Variants in TBL2 observed in about 807,000 individuals in gnomAD.
TBL2 encodes transducin beta like 2, also known as transducin beta-like protein 2.
In TBL2, 33 loss-of-function variants were observed where a neutral mutation model predicts 41.8. That is an observed-to-expected ratio of 0.79 (90% confidence interval 0.60 to 1.06). The LOEUF is 1.06. TBL2 is among the 50% of genes least tolerant of loss of function. The pLI is 0.00. For synonymous variants in TBL2, 239 were observed against 241.7 expected (o/e 0.99, Z 0.10); for missense variants, 522 against 603.8 (o/e 0.86, Z 1.42).
In TBL2 at chr7:73,573,465, G is replaced by A. The variant is rs1310870791; in HGVS notation, c.453C>T (p.Phe151=). 1.9e-6 allele frequency: 3 copies of A among 1,613,900 alleles called. No homozygotes were observed. The highest frequency in any genetic ancestry group is 1.7e-6 in the Non-Finnish European group (2 of 1,180,018). ...TGTCCCCGTTGGCCAGCCAGACGAT[G>A]AAGGCTCTAGAGACAGGCAGCAGAC... is the stretch of plus-strand genomic sequence containing the variant. ...LVRFSPDCRA[F]IVWLANGDTL... The change falls in exon 4 of 7, where the codon TTC becomes TTT. Residue 151 remains phenylalanine, a synonymous_variant. Coordinates refer to ENST00000305632, the MANE Select transcript of TBL2 (RefSeq NM_012453.4).
chr7:73,578,248 G>C (rs1793463893), intron 1 of TBL2, 172 bp downstream of exon 1: 4 of 1,531,826 alleles, frequency 2.6e-6, no homozygotes, highest in Non-Finnish European at 3.5e-6. Flanking sequence ...CGCCTAACCC[G>C]GCAAGGCGGG....
At position 73,576,843 on chromosome 7, in the gene TBL2, G is replaced by A. The variant is rs534285465; in HGVS notation, c.130+1577C>T. On this transcript the variant is annotated intron_variant, in intron 1 of 6. Coordinates refer to ENST00000305632, the MANE Select transcript of TBL2 (RefSeq NM_012453.4). The stretch of plus-strand genomic sequence containing the variant: ...CTCGGGTATTGCCATTGGCAGGAAT[G>A]TCTTTTTTCCTTGGCCTTCTGGCAA... The A allele has an allele frequency of 4.7e-5, 18 of 385,404 alleles. No homozygotes were observed. In the Admixed American group the frequency reaches 5.6e-4, roughly 12 times the overall value. The allele number at this position is 385,404 out of a possible 1,614,324, so 23.9% of individuals were successfully genotyped here. A position where few individuals can be genotyped will look rare whatever the true frequency, so the allele number is the denominator to read the frequency against.
In TBL2 at chr7:73,567,727, G is replaced by A. The variant is rs1554586439; in HGVS notation, c.*2780C>T. 6.6e-6 allele frequency among the ~76,000 whole-genome samples: 1 copy of A among 152,092 alleles called. No homozygotes were observed. The highest frequency in any genetic ancestry group is 2.4e-5 in the African/African-American group (1 of 41,406). On this transcript the variant is annotated 3_prime_UTR_variant, in exon 7 of 7. Coordinates refer to ENST00000305632, the MANE Select transcript of TBL2 (RefSeq NM_012453.4). Reference sequence around the variant, plus strand: ...GTGGTTACAAGAGAAGCTTGAGTGAGGGCACTTTCTGTCCTCAGAAGTCTG... The same window carrying A: ...GTGGTTACAAGAGAAGCTTGAGTGAAGGCACTTTCTGTCCTCAGAAGTCTG...
rs782255018 is a variant in TBL2 at position 73,571,330 on chromosome 7, G to C, written c.737C>G (p.Ser246Trp). 1 of 1,614,188 alleles carries C rather than the reference G, an allele frequency of 6.2e-7. No homozygotes were observed. The highest frequency in any genetic ancestry group is 1.1e-5 in the South Asian group (1 of 91,084). ...CTTCACATCTGGGGTGAAGCCACAC[G>C]AGGCTACAAATCTGCCATACAACCC... ...AVSPCGRFVA[S>W]CGFTPDVKVW... The change falls in exon 6 of 7, where the codon TCG becomes TGG. Residue 246 changes from serine to tryptophan, a missense_variant. Coordinates refer to ENST00000305632, the MANE Select transcript of TBL2 (RefSeq NM_012453.4).
chr7:73,578,155 C>T (rs1198911000), intron 1 of TBL2: 2 of 1,238,590 alleles, frequency 1.6e-6, no homozygotes, highest in African/African-American at 1.6e-5. Context: ...CTCTCCTGGC[C>T]ACCCCGGGGA....
intron 3 of TBL2, 117 bp from the exon 4 acceptor site, chr7:73,573,588 C>A: frequency 7.5e-7 from 1 of 1,338,798 alleles, no homozygotes; most frequent in Non-Finnish European, 1.0e-6. Context: ...ACAGTCTAGC[C>A]TTAAAACTTA....
chr7:73,574,354 G>A (rs1554588431), intron 2 of TBL2, 29 bp downstream of exon 2: 13 of 1,612,038 alleles, frequency 8.1e-6, no homozygotes, highest in South Asian at 1.1e-5. Context: ...GAGTCTCAGG[G>A]TGCACGCTGT....
Position 73,570,912 on chromosome 7 carries a change from C to A in TBL2, c.939G>T (p.Lys313Asn), listed in dbSNP as rs373698202. ...TCAGCAAGTAGGGGTCCTGCTTCTT[C>A]TTGTATTCCACATCTGTGTCCCACA... ...WKLWDTDVEY[K>N]KKQDPYLLKT... The change falls in exon 7 of 7, where the codon AAG becomes AAT. Residue 313 changes from lysine to asparagine, a missense_variant. Transcript: ENST00000305632. 14 of 1,613,656 alleles carry A rather than the reference C, an allele frequency of 8.7e-6. No individual in the cohort carries two copies. Among genetic ancestry groups the A allele is most frequent in the Non-Finnish European group, 1.1e-5 (13 of 1,179,872 alleles).
intron 4 of TBL2, 23 bp downstream of exon 4, chr7:73,573,297 G>A (rs781961946): frequency 1.7e-5 from 27 of 1,612,826 alleles, no homozygotes; most frequent in Middle Eastern, 1.6e-4. Context: ...TTGGGCAGGC[G>A]CCACCCTCTG....
chr7:73,574,360 G>A (rs568052021), intron 2 of TBL2, 23 bp downstream of exon 2: 9 of 1,612,474 alleles, frequency 5.6e-6, no homozygotes, highest in Admixed American at 3.3e-5. Flanking sequence ...CAGGGTGCAC[G>A]CTGTGCCAGG....
At position 73,570,686 on chromosome 7, in the gene TBL2, C is replaced by T; in HGVS notation, c.1165G>A (p.Ala389Thr). 6.2e-7 allele frequency: 1 copy of T among 1,614,062 alleles called. No homozygotes were observed. Among genetic ancestry groups the T allele is most frequent in the South Asian group, 1.1e-5 (1 of 91,080 alleles). Reference sequence around the variant, plus strand: ...CGCACCGCCCGGTCCCCACAGGAGGCCAGAAAGCGGCCAGTGATGTCAAAG... The same window carrying T: ...CGCACCGCCCGGTCCCCACAGGAGGTCAGAAAGCGGCCAGTGATGTCAAAG... ...LSFDITGRFL[A>T]SCGDRAVRLF... The change falls in exon 7 of 7, where the codon GCC (alanine) becomes ACC (threonine). Residue 389 changes from alanine (A) to threonine (T), a missense_variant. Ala to Thr is a moderately conservative substitution (Grantham distance 58). Coordinates refer to ENST00000305632, the MANE Select transcript of TBL2 (RefSeq NM_012453.4).
intron 1 of TBL2, chr7:73,576,885 C>T (rs1413803092): frequency 2.2e-5 from 8 of 361,976 alleles, no homozygotes; most frequent in Non-Finnish European, 4.4e-5. Context: ...CTTCTAGAAC[C>T]ATCCTTTGAG....
intron 5 of TBL2, chr7:73,571,972 A>C (rs542173507): frequency 6.2e-6 from 1 of 160,424 alleles, no homozygotes; most frequent in East Asian, 1.9e-4. Flanking sequence ...CTGAGGCAGG[A>C]GAATCGCTTG....
At position 73,578,468 on chromosome 7, in the gene TBL2, C is replaced by T; in HGVS notation, c.82G>A (p.Ala28Thr). The part of the protein sequence containing the change: ...LLALMATAAV[A>T]RGWLRAGEER... ...TCCCCCGCGCGCAGCCACCCCCGCG[C>T]TACCGCCGCCGTCGCCATCAGGGCC... is the stretch of plus-strand genomic sequence containing the variant. Residue 28 changes from alanine (A) to threonine (T), a missense_variant, in exon 1 of 7, where the codon GCG becomes ACG. Coordinates refer to ENST00000305632, the MANE Select transcript of TBL2 (RefSeq NM_012453.4). 6.4e-7 allele frequency: 1 copy of T among 1,568,484 alleles called. No homozygotes were observed. The highest frequency in any genetic ancestry group is 8.6e-7 in the Non-Finnish European group (1 of 1,160,758).
intron 1 of TBL2, chr7:73,576,554 G>A (rs549782793): frequency 2.9e-5 from 13 of 454,122 alleles, no homozygotes; most frequent in South Asian, 1.7e-4. Flanking sequence ...AAAGAACTCG[G>A]GGATGAGAAG....
At chr7:73,576,621 A>G (rs1320687920) in intron 1 of TBL2, 1 of 456,510 alleles carries the variant, frequency 2.2e-6, no homozygotes, top group Non-Finnish European at 4.4e-6. Flanking sequence ...TGTAAAAGAT[A>G]CTTAATTGAG....
chr7:73,578,249 GC>G, intron 1 of TBL2, 170 bp downstream of exon 1: 1 of 1,531,782 alleles, frequency 6.5e-7, no homozygotes, highest in Non-Finnish European at 8.7e-7. Context: ...GCCTAACCCG[GC>G]AAGGCGGGTC....
At chr7:73,575,352 G>A (rs557186070) in intron 1 of TBL2, among the ~76,000 whole-genome samples, 14 of 150,822 alleles carry the variant, frequency 9.3e-5, no homozygotes, top group African/African-American at 2.9e-4. Context: ...GTGCAGTGGC[G>A]TGATCTCAGC....
rs962556840 is a variant in TBL2 at position 73,567,640 on chromosome 7, G to T, written c.*2867C>A. ...TACTGCCTTCACATGCAGGATTTTT[G>T]ATTAAAAAAAAGAAAAACCTTGGTG... On this transcript the variant is annotated 3_prime_UTR_variant, in exon 7 of 7. Coordinates refer to ENST00000305632, the MANE Select transcript of TBL2 (RefSeq NM_012453.4). Among the ~76,000 whole-genome samples, 7 of 151,340 alleles carry T rather than the reference G, an allele frequency of 4.6e-5. No homozygotes were observed. The highest frequency in any genetic ancestry group is 1.7e-4 in the African/African-American group (7 of 41,152).
Sources: gnomAD v4.1 joint callset for allele counts (sites outside exome capture counted in the v4.1 genomes callset) on GRCh38, gnomAD v4.1.1 for gene constraint, MANE v1.5 for transcripts, NCBI Gene and HGNC (gene_info 2026-07-23, HGNC 2026-07-21) for gene names.